The following TTC39B variants were observed in gnomAD, a reference collection of about 807,000 sequenced individuals.
TTC39B encodes the protein tetratricopeptide repeat protein 39B.
TTC39B carries 92 observed loss-of-function variants against 96.6 expected under a neutral mutation model. That is an observed-to-expected ratio of 0.95 (90% CI 0.80 to 1.13). The LOEUF is 1.13. TTC39B is among the 50% of genes most tolerant of loss of function. The pLI is 0.00. For synonymous variants in TTC39B, 367 were observed against 299.4 expected, an observed-to-expected ratio of 1.23 and a Z score of -2.33; for missense variants, 955 against 809.3, an observed-to-expected ratio of 1.18 and a Z score of -2.18.
At chr9:15,187,495 CTG>C (rs1271084995) in intron 14 of TTC39B, among the ~76,000 whole-genome samples, 1 of 152,226 alleles carries the variant, frequency 6.6e-6, no homozygotes, top group Non-Finnish European at 1.5e-5. Flanking sequence ...GGGTCTCACT[CTG>C]TCACCAGGCT....
chr9:15,244,709 T>C (rs112877102), intron 2 of TTC39B, among the ~76,000 whole-genome samples: 6 of 152,216 alleles, frequency 3.9e-5, no homozygotes, highest in African/African-American at 1.4e-4. Flanking sequence ...CCTGCAGTCA[T>C]GGGGCAGAGG....
intron 8 of TTC39B, among the ~76,000 whole-genome samples, chr9:15,199,396 C>T (rs1819376978): frequency 6.6e-6 from 1 of 152,076 alleles, no homozygotes; most frequent in Non-Finnish European, 1.5e-5. Flanking sequence ...ACACTGAATA[C>T]ACACTCAACA....
At chr9:15,256,105 G>A (rs747793584) in intron 2 of TTC39B, among the ~76,000 whole-genome samples, 18 of 152,318 alleles carry the variant, frequency 1.2e-4, no homozygotes, top group African/African-American at 2.4e-4. Context: ...ATTAGGTCAT[G>A]AGGGTTCCAC....
In TTC39B at chr9:15,252,504, C is replaced by T. The variant is rs560283496; in HGVS notation, c.275+15410G>A. 5.3e-5 allele frequency among the ~76,000 whole-genome samples: 8 copies of T among 152,164 alleles called. No individual in the cohort carries two copies. The East Asian group carries it at 5.8e-4, about 11-fold the overall frequency. ...TCTACTAAAAATACAAAAAATTAGCCGGCCGTGGTGGCTTATGCCTGTAAT... is the reference window on the plus strand; with the variant it reads ...TCTACTAAAAATACAAAAAATTAGCTGGCCGTGGTGGCTTATGCCTGTAAT... On this transcript the variant is annotated intron_variant, in intron 2 of 19. Transcript: ENST00000512701.
intron 2 of TTC39B, among the ~76,000 whole-genome samples, chr9:15,259,419 T>C (rs1822868032): frequency 1.3e-5 from 2 of 152,304 alleles, no homozygotes; most frequent in African/African-American, 4.8e-5. Context: ...AAGTTAAACA[T>C]AGGTTCACCA....
intron 2 of TTC39B, among the ~76,000 whole-genome samples, chr9:15,230,197 T>A (rs1248776325): frequency 6.6e-6 from 1 of 152,218 alleles, no homozygotes; most frequent in Admixed American, 6.5e-5. Flanking sequence ...TTTTGCCCTA[T>A]TTTAACGGCT....
chr9:15,207,756 C>T (rs111721182), intron 6 of TTC39B, among the ~76,000 whole-genome samples: 8 of 151,664 alleles, frequency 5.3e-5, no homozygotes, highest in Admixed American at 6.6e-5. Flanking sequence ...GAGGCTGAGG[C>T]GGGCGGATCA....
intron 2 of TTC39B, among the ~76,000 whole-genome samples, chr9:15,235,188 T>C (rs1291021068): frequency 1.3e-5 from 2 of 152,062 alleles, no homozygotes; most frequent in African/African-American, 2.4e-5. Context: ...AGACCTCCAA[T>C]TCATATCACC....
At chr9:15,163,910 A>G (rs1334959457) in exon 20 of TTC39B, 1 of 152,222 alleles carries the variant, frequency 6.6e-6, no homozygotes, top group African/African-American at 2.4e-5. Context: ...GAAATTTTAG[A>G]TTTTATATTA....
At chr9:15,178,120 C>T (rs1169615541) in intron 17 of TTC39B, among the ~76,000 whole-genome samples, 3 of 152,016 alleles carry the variant, frequency 2.0e-5, no homozygotes, top group Non-Finnish European at 4.4e-5. Flanking sequence ...CCACCCACCT[C>T]GGCCTCCCAG....
intron 6 of TTC39B, among the ~76,000 whole-genome samples, chr9:15,205,732 GA>G (rs1819807602): frequency 6.6e-6 from 1 of 152,174 alleles, no homozygotes; most frequent in Admixed American, 6.5e-5. Context: ...TGAGAACCAG[GA>G]ATTATGAGCT....
At chr9:15,262,389 G>C (rs1822978510) in intron 2 of TTC39B, among the ~76,000 whole-genome samples, 1 of 152,178 alleles carries the variant, frequency 6.6e-6, no homozygotes, top group South Asian at 2.1e-4. Flanking sequence ...GTGAGCCATA[G>C]CACTTGGCCT....
At chr9:15,170,613 G>A (rs1817618018) in exon 20 of TTC39B, 1 of 152,146 alleles carries the variant, frequency 6.6e-6, no homozygotes, top group South Asian at 2.1e-4. Flanking sequence ...CGTACTCCGT[G>A]TCATGGAACT....
chr9:15,272,377 C>T (rs1008870870), intron 1 of TTC39B, among the ~76,000 whole-genome samples: 4 of 152,172 alleles, frequency 2.6e-5, no homozygotes, highest in Admixed American at 6.5e-5. Flanking sequence ...TCACCGTGTG[C>T]CCTCCAGTTA....
At chr9:15,190,696 C>G (rs1207653947) in intron 10 of TTC39B, 34 bp from the exon 11 acceptor site, 3 of 1,539,770 alleles carry the variant, frequency 1.9e-6, no homozygotes. Context: ...AGAAAGAGAA[C>G]AAGACTGGAA....
chr9:15,256,451 A>C (rs1369073135), intron 2 of TTC39B, among the ~76,000 whole-genome samples: 3 of 152,216 alleles, frequency 2.0e-5, no homozygotes, highest in African/African-American at 7.2e-5. Context: ...ACACATATAT[A>C]CTGAGCACCT....
intron 2 of TTC39B, among the ~76,000 whole-genome samples, chr9:15,267,561 G>A (rs1205174829): frequency 2.0e-5 from 3 of 152,030 alleles, no homozygotes; most frequent in Non-Finnish European, 2.9e-5. Context: ...AACTATATAG[G>A]CTTACAGTGA....
At chr9:15,181,432 G>A (rs561545883) in intron 17 of TTC39B, among the ~76,000 whole-genome samples, 1 of 152,234 alleles carries the variant, frequency 6.6e-6, no homozygotes, top group East Asian at 1.9e-4. Flanking sequence ...AAAAATGTCA[G>A]GGCAAGGAAA....
At chr9:15,196,481 T>C (rs1819177487) in intron 8 of TTC39B, among the ~76,000 whole-genome samples, 1 of 152,212 alleles carries the variant, frequency 6.6e-6, no homozygotes, top group Admixed American at 6.5e-5. Context: ...CATGGATCAT[T>C]CTGAGGGGTT....
Sources: gnomAD v4.1 joint callset for allele counts (sites outside exome capture counted in the v4.1 genomes callset) on GRCh38, gnomAD v4.1.1 for gene constraint, MANE v1.5 for transcripts, NCBI Gene and HGNC (gene_info 2026-07-23, HGNC 2026-07-21) for gene names.